The following SLC35F3 variants were observed in gnomAD, a reference collection of about 807,000 sequenced individuals.
The protein encoded by SLC35F3 is solute carrier family 35 member F3.
SLC35F3 carries 25 observed loss-of-function variants against 49.9 expected under a neutral mutation model. The ratio of observed to expected loss-of-function variants is 0.50; its 90% confidence interval spans 0.37 to 0.70. The LOEUF (loss-of-function observed/expected upper bound fraction) is 0.70, where lower values mean the gene tolerates loss of function less well. SLC35F3 is among the 30% of genes least tolerant of loss of function. SLC35F3 has a pLI of 0.00. For synonymous variants in SLC35F3, 275 were observed against 265.4 expected (o/e 1.04, Z -0.35); for missense variants, 525 against 639.8 (o/e 0.82, Z 1.94).
intron 2 of SLC35F3, among the ~76,000 whole-genome samples, chr1:233,978,754 G>A (rs886793691): frequency 3.3e-5 from 5 of 149,534 alleles, no homozygotes; most frequent in Admixed American, 6.7e-5. Context: ...ATGAAGTCAG[G>A]TGCGGTGGCT....
chr1:234,231,793 G>A lies in SLC35F3; in HGVS notation c.608+52G>A, dbSNP rs1206942623. 1 of 1,530,250 alleles carries A rather than the reference G, an allele frequency of 6.5e-7. No homozygotes were observed. Among genetic ancestry groups the A allele is most frequent in the East Asian group, 2.3e-5 (1 of 44,136 alleles). The allele number at this position is 1,530,250 out of a possible 1,614,324, so 94.8% of individuals were successfully genotyped here. A position where few individuals can be genotyped will look rare whatever the true frequency, so the allele number is the denominator to read the frequency against. ...TCCTGACCCCGGGCTGCTCCATCCA[G>A]CGCTGACTCTGCAGAGCTGCCCCTG... On this transcript the variant is annotated intron_variant, in intron 3 of 7. Transcript: ENST00000366618. This position sits in a 1 kb window ranked among gnomAD's most constrained non-coding sequence, Gnocchi z 5.4.
intron 2 of SLC35F3, among the ~76,000 whole-genome samples, chr1:233,995,621 C>T (rs1455796992): frequency 6.6e-6 from 1 of 152,144 alleles, no homozygotes; most frequent in African/African-American, 2.4e-5. Context: ...GATGACTTCA[C>T]GCGGAGGCTT....
chr1:233,984,087 A>C (rs1300015673), intron 2 of SLC35F3, among the ~76,000 whole-genome samples: 1 of 152,174 alleles, frequency 6.6e-6, no homozygotes, highest in Non-Finnish European at 1.5e-5. Flanking sequence ...CATCAGGAGA[A>C]ATTAGATCAA....
intron 2 of SLC35F3, among the ~76,000 whole-genome samples, chr1:233,997,102 C>A (rs562551429): frequency 6.6e-6 from 1 of 152,252 alleles, no homozygotes; most frequent in South Asian, 2.1e-4. Flanking sequence ...TTTTTTCAGG[C>A]TGACTATTCC....
chr1:234,138,229 C>T (rs1288712577), intron 2 of SLC35F3, among the ~76,000 whole-genome samples: 4 of 152,146 alleles, frequency 2.6e-5, no homozygotes, highest in Non-Finnish European at 5.9e-5. Context: ...TTTTGTATGG[C>T]TGTATCTCTA....
chr1:234,323,224 G>A lies in SLC35F3; in HGVS notation c.1454G>A (p.Arg485His), dbSNP rs760599699. Reference protein sequence around the residue: ...SGPQSKNRRARPSFAR With the variant: ...SGPQSKNRRAHPSFAR ...CCTCAGAGCAAGAACAGAAGAGCCC[G>A]CCCTTCCTTCGCCCGCTAACACCAC... The change falls in exon 8 of 8, where the codon CGC (arginine) becomes CAC (histidine). Residue 485 changes from arginine to histidine, a missense_variant. Transcript: ENST00000366618. This position sits in a 1 kb window ranked among gnomAD's most constrained non-coding sequence, Gnocchi z 4.5. 10 of 1,613,896 alleles carry A rather than the reference G, an allele frequency of 6.2e-6. No homozygotes were observed. The East Asian group carries it at 6.7e-5, about 11-fold the overall frequency.
At chr1:234,105,386 C>A (rs991022219) in intron 2 of SLC35F3, among the ~76,000 whole-genome samples, 4 of 152,168 alleles carry the variant, frequency 2.6e-5, no homozygotes, top group Non-Finnish European at 2.9e-5. Context: ...GGCAGGGGCT[C>A]TCCATGTATC....
intron 3 of SLC35F3, among the ~76,000 whole-genome samples, chr1:234,233,412 C>T (rs1667415159): frequency 6.6e-6 from 1 of 152,208 alleles, no homozygotes; most frequent in South Asian, 2.1e-4. Flanking sequence ...CTGCTACCTT[C>T]AACCATACAG....
intron 2 of SLC35F3, among the ~76,000 whole-genome samples, chr1:234,110,412 G>C (rs1665388880): frequency 6.6e-6 from 1 of 152,254 alleles, no homozygotes; most frequent in Non-Finnish European, 1.5e-5. Flanking sequence ...GAGCCAGGAA[G>C]GGATGGTGTC....
At chr1:234,017,954 A>G (rs573995224) in intron 2 of SLC35F3, among the ~76,000 whole-genome samples, 1 of 151,834 alleles carries the variant, frequency 6.6e-6, no homozygotes, top group Admixed American at 6.6e-5. Flanking sequence ...TCACCACTCA[A>G]TTTGGGGGGT....
intron 2 of SLC35F3, among the ~76,000 whole-genome samples, chr1:234,044,709 A>G (rs1233582159): frequency 6.6e-6 from 1 of 152,170 alleles, no homozygotes; most frequent in Non-Finnish European, 1.5e-5. Context: ...TTAGTCATTA[A>G]TGTTTCTTCA....
In SLC35F3 at chr1:233,993,468, A is replaced by G. The variant is rs561383513; in HGVS notation, c.283+87710A>G. ...CAGCTTTCTTTATGATAGATTCATC[A>G]AAATTCTCTTTTAAATCTGAAGGGC... On this transcript the variant is annotated intron_variant, in intron 2 of 7. Coordinates refer to ENST00000366618, the MANE Select transcript of SLC35F3 (RefSeq NM_173508.4). Among the ~76,000 whole-genome samples the G allele has an allele frequency of 1.2e-4, 18 of 152,314 alleles. No homozygotes were observed. In the South Asian group the frequency reaches 3.1e-3, roughly 26 times the overall value.
At chr1:234,321,247 G>A (rs1468527292) in intron 7 of SLC35F3, among the ~76,000 whole-genome samples, 1 of 152,182 alleles carries the variant, frequency 6.6e-6, no homozygotes, top group Non-Finnish European at 1.5e-5. Flanking sequence ...CCAGGCCTGG[G>A]GGAGGTGTCA....
intron 5 of SLC35F3, 73 bp downstream of exon 5, chr1:234,316,800 G>T (rs1657500847): frequency 6.5e-7 from 1 of 1,528,042 alleles, no homozygotes; most frequent in Non-Finnish European, 8.9e-7. Flanking sequence ...TAGATCGCTT[G>T]TCCTTTACTT....
chr1:234,052,942 G>A (rs1201314338), intron 2 of SLC35F3, among the ~76,000 whole-genome samples: 1 of 152,232 alleles, frequency 6.6e-6, no homozygotes, highest in Non-Finnish European at 1.5e-5. Flanking sequence ...ATGTAGTTGA[G>A]CAGCTTTGAG....
chr1:234,228,718 TCTG>T (rs1453427507), intron 2 of SLC35F3, among the ~76,000 whole-genome samples: 1 of 152,130 alleles, frequency 6.6e-6, no homozygotes, highest in Non-Finnish European at 1.5e-5. Context: ...GGGGCACGGT[TCTG>T]CTGAGAGGGG....
At position 234,302,780 on chromosome 1, in the gene SLC35F3, T is replaced by C. The variant is rs538762462; in HGVS notation, c.609-6321T>C. ...CAGGGCTTCTCTCTCTCTCTGTGGTTTTCAAACTGTACCCCTCAAAGCTGT... is the reference window on the plus strand; with the variant it reads ...CAGGGCTTCTCTCTCTCTCTGTGGTCTTCAAACTGTACCCCTCAAAGCTGT... On this transcript the variant is annotated intron_variant, in intron 3 of 7. Transcript: ENST00000366618. Among the ~76,000 whole-genome samples, 4 of 152,222 alleles carry C rather than the reference T, an allele frequency of 2.6e-5. No individual in the cohort carries two copies. In the South Asian group the frequency reaches 6.2e-4, roughly 24 times the overall value.
intron 2 of SLC35F3, among the ~76,000 whole-genome samples, chr1:234,066,918 C>T (rs1297165105): frequency 1.3e-5 from 2 of 151,698 alleles, no homozygotes; most frequent in Non-Finnish European, 2.9e-5. Context: ...TTTTTGTACC[C>T]ACTTTCTGCA....
intron 2 of SLC35F3, among the ~76,000 whole-genome samples, chr1:233,993,749 G>A (rs929772142): frequency 1.3e-5 from 2 of 152,114 alleles, no homozygotes; most frequent in Non-Finnish European, 2.9e-5. Context: ...CTCGGATCCT[G>A]GACCTGAGTC....
Sources: allele counts gnomAD v4.1 joint callset (sites outside exome capture counted in the v4.1 genomes callset), GRCh38; gene constraint gnomAD v4.1.1; non-coding constraint Gnocchi (gnomAD v3.1); transcripts MANE v1.5; gene names NCBI Gene and HGNC (gene_info 2026-07-23, HGNC 2026-07-21).